The following CD28 variants were observed in gnomAD, a reference collection of about 807,000 sequenced individuals.
CD28 encodes the protein T-cell-specific surface glycoprotein CD28.
In CD28, 8 loss-of-function variants were observed where a neutral mutation model predicts 21.4. The ratio of observed to expected loss-of-function variants is 0.37; its 90% CI spans 0.22 to 0.68. The LOEUF (loss-of-function observed/expected upper bound fraction) is 0.68. CD28 is among the 30% of genes least tolerant of loss of function. The pLI is 0.55. For missense variants in CD28, 239 were observed against 272.2 expected (o/e 0.88, Z 0.86); for synonymous variants, 106 against 104.0 (o/e 1.02, Z -0.12).
intron 2 of CD28, among the ~76,000 whole-genome samples, 189 bp from the exon 3 acceptor site, chr2:203,729,459 G>T (rs1231589782): frequency 6.6e-6 from 1 of 152,148 alleles, no homozygotes; most frequent in African/African-American, 2.4e-5. Flanking sequence ...AACTGTGGTC[G>T]TGAAAACTGA....
chr2:203,720,605 C>T (rs1021644068), intron 1 of CD28, among the ~76,000 whole-genome samples: 4 of 152,188 alleles, frequency 2.6e-5, no homozygotes, highest in African/African-American at 7.2e-5. Context: ...TCTTCTGAGT[C>T]TAGATATGTC....
intron 1 of CD28, among the ~76,000 whole-genome samples, chr2:203,708,421 A>T (rs186117952): frequency 1.2e-4 from 19 of 152,308 alleles, no homozygotes; most frequent in Non-Finnish European, 2.5e-4. Flanking sequence ...AAATTACTTA[A>T]TTTGTTAGAC....
chr2:203,706,596 G>A (rs3181099), upstream of CD28: 58 of 1,604,134 alleles, frequency 3.6e-5, 1 homozygote, highest in African/African-American at 5.1e-4. Context: ...CGTGGATGAC[G>A]GAGACTCTCA....
chr2:203,729,179 G>T (rs1693826744), intron 2 of CD28, among the ~76,000 whole-genome samples: 1 of 152,180 alleles, frequency 6.6e-6, no homozygotes, highest in Non-Finnish European at 1.5e-5. Flanking sequence ...ATGAGACAGG[G>T]TTGGAACTAG....
Position 203,737,394 on chromosome 2 carries a change from G to T in CD28, c.*2482G>T, listed in dbSNP as rs1167035659. 1.3e-5 allele frequency: 2 copies of T among 152,122 alleles called. No individual in the cohort carries two copies. The highest frequency in any genetic ancestry group is 4.8e-5 in the African/African-American group (2 of 41,432). The allele number at this position is 152,122 out of a possible 1,614,324, so 9.4% of individuals were successfully genotyped here. ...TGTATTTGAAAATGACAGAGCTGGA[G>T]AGTTTTTTGAAATGGCAGTGGCAAA... is the stretch of plus-strand genomic sequence containing the variant. On this transcript the variant is annotated 3_prime_UTR_variant, in exon 4 of 4. Coordinates refer to ENST00000324106, the MANE Select transcript of CD28 (RefSeq NM_006139.4).
intron 1 of CD28, among the ~76,000 whole-genome samples, chr2:203,723,002 A>G (rs1024841116): frequency 1.3e-5 from 2 of 152,210 alleles, no homozygotes; most frequent in African/African-American, 4.8e-5. Context: ...CTTAAAAAAT[A>G]TGAATGGATG....
intron 1 of CD28, among the ~76,000 whole-genome samples, chr2:203,717,952 T>TA: frequency 6.6e-6 from 1 of 152,342 alleles, no homozygotes; most frequent in South Asian, 2.1e-4. Flanking sequence ...TTTTAAACCA[T>TA]AACTTGCATT....
intron 1 of CD28, among the ~76,000 whole-genome samples, chr2:203,714,061 T>A (rs1282595460): frequency 6.6e-6 from 1 of 151,780 alleles, no homozygotes; most frequent in African/African-American, 2.4e-5. Flanking sequence ...GGAGGACAAA[T>A]CTCTAAGAAG....
chr2:203,719,675 G>A (rs952177676), intron 1 of CD28, among the ~76,000 whole-genome samples: 1 of 152,174 alleles, frequency 6.6e-6, no homozygotes, highest in Non-Finnish European at 1.5e-5. Context: ...TGGGCATAAA[G>A]ATGACTGTCC....
At chr2:203,707,616 T>G (rs1191540278) in intron 1 of CD28, among the ~76,000 whole-genome samples, 1 of 152,226 alleles carries the variant, frequency 6.6e-6, no homozygotes, top group Non-Finnish European at 1.5e-5. Flanking sequence ...AGGAGGATAA[T>G]ACATCTAGCA....
rs1486183375 is a variant in CD28 at position 203,736,911 on chromosome 2, A to G, written c.*1999A>G. The G allele has an allele frequency of 6.6e-6, 1 of 152,196 alleles. No homozygotes were observed. The highest frequency in any genetic ancestry group is 1.5e-5 in the Non-Finnish European group (1 of 68,040). The allele number at this position is 152,196 out of a possible 1,614,324, so 9.4% of individuals were successfully genotyped here. On this transcript the variant is annotated 3_prime_UTR_variant, in exon 4 of 4. Transcript: ENST00000324106. ...GCATGCCCGACATACAATGTTAGCT[A>G]TTGGTATTATTGCCATATAGATAAA... is the stretch of plus-strand genomic sequence containing the variant.
At chr2:203,708,047 C>T (rs1196505142) in intron 1 of CD28, among the ~76,000 whole-genome samples, 1 of 152,094 alleles carries the variant, frequency 6.6e-6, no homozygotes, top group Non-Finnish European at 1.5e-5. Context: ...GTTATTTTTC[C>T]CTGAAAGATA....
chr2:203,714,033 A>G (rs1189839220), intron 1 of CD28, among the ~76,000 whole-genome samples: 1 of 151,776 alleles, frequency 6.6e-6, no homozygotes, highest in Non-Finnish European at 1.5e-5. Context: ...TGCATAGGAG[A>G]TGAGTGTATT....
chr2:203,712,254 G>C (rs1200741990), intron 1 of CD28, among the ~76,000 whole-genome samples: 1 of 152,060 alleles, frequency 6.6e-6, no homozygotes, highest in African/African-American at 2.4e-5. Context: ...CAAGTAATTA[G>C]GTAGTTAACT....
At chr2:203,710,194 T>C (rs1389764041) in intron 1 of CD28, among the ~76,000 whole-genome samples, 1 of 152,222 alleles carries the variant, frequency 6.6e-6, no homozygotes, top group African/African-American at 2.4e-5. Flanking sequence ...TGGCCAGTTT[T>C]TCTGTTAAAA....
intron 1 of CD28, among the ~76,000 whole-genome samples, chr2:203,710,803 G>T (rs1693291464): frequency 6.6e-6 from 1 of 152,224 alleles, no homozygotes; most frequent in Non-Finnish European, 1.5e-5. Context: ...CTAAAAATCA[G>T]AGGACGGACA....
intron 1 of CD28, among the ~76,000 whole-genome samples, chr2:203,719,313 C>A (rs780149394): frequency 6.6e-6 from 1 of 152,134 alleles, no homozygotes; most frequent in African/African-American, 2.4e-5. Flanking sequence ...AGTTCCCTTC[C>A]AGTTGAGTGT....
Position 203,737,727 on chromosome 2 carries a change from A to C in CD28, c.*2815A>C, listed in dbSNP as rs1219676211. The C allele has an allele frequency of 6.6e-6, 1 of 152,578 alleles. No individual in the cohort carries two copies. The highest frequency in any genetic ancestry group is 1.9e-4 in the East Asian group (1 of 5,182). 9.5% of individuals were successfully genotyped at this position (152,578 alleles called of 1,614,324 possible). A position where few individuals can be genotyped will look rare whatever the true frequency, so the allele number is the denominator to read the frequency against. ...TCTTATAATTAATGGTACTCCTATAATTTTTGATTGTGAGCTCACCTATTT... is the reference window on the plus strand; with the variant it reads ...TCTTATAATTAATGGTACTCCTATACTTTTTGATTGTGAGCTCACCTATTT... On this transcript the variant is annotated 3_prime_UTR_variant, in exon 4 of 4. Coordinates refer to ENST00000324106, the MANE Select transcript of CD28 (RefSeq NM_006139.4).
In CD28 at chr2:203,736,431, C is replaced by T. The variant is rs564236143; in HGVS notation, c.*1519C>T. On this transcript the variant is annotated 3_prime_UTR_variant, in exon 4 of 4. Transcript: ENST00000324106. ...ACTTTATGTGGTTTAGGGCTCAGAG[C>T]TCCAAAACTCTGGGCTCAGCTGCTC... 6.5e-6 allele frequency: 1 copy of T among 152,686 alleles called. No individual in the cohort carries two copies. Among genetic ancestry groups the T allele is most frequent in the Admixed American group, 6.5e-5 (1 of 15,300 alleles). 9.5% of individuals were successfully genotyped at this position (152,686 alleles called of 1,614,324 possible). A position where few individuals can be genotyped will look rare whatever the true frequency, so the allele number is the denominator to read the frequency against.
Sources: gnomAD v4.1 joint callset for allele counts (sites outside exome capture counted in the v4.1 genomes callset) on GRCh38, gnomAD v4.1.1 for gene constraint, MANE v1.5 for transcripts, NCBI Gene and HGNC (gene_info 2026-07-23, HGNC 2026-07-21) for gene names.